Variants in DLGAP2 observed in about 807,000 individuals in gnomAD.
DLGAP2 encodes DLG associated protein 2, also known as disks large-associated protein 2.
In DLGAP2, 26 loss-of-function variants were observed where a neutral mutation model predicts 100.3. The ratio of observed to expected loss-of-function variants is 0.26; its 90% CI spans 0.19 to 0.36. DLGAP2 has a LOEUF of 0.36. DLGAP2 is among the 10% of genes least tolerant of loss of function. The pLI is 1.00. For synonymous variants in DLGAP2, 886 were observed against 630.1 expected (o/e 1.41, Z -6.08); for missense variants, 1,858 against 1,453.2 (o/e 1.28, Z -4.53).
At chr8:1,644,359 G>A (rs1585027605) in intron 8 of DLGAP2, among the ~76,000 whole-genome samples, 1 of 152,284 alleles carries the variant, frequency 6.6e-6, no homozygotes, top group Non-Finnish European at 1.5e-5. Context: ...CAGTGACCCG[G>A]CCCCACCAGA....
chr8:1,306,074 C>CAAAAAAAAAAAAAAAAAAAAAAAA (rs61647224), intron 3 of DLGAP2, among the ~76,000 whole-genome samples: 2 of 116,446 alleles, frequency 1.7e-5, no homozygotes, highest in Non-Finnish European at 3.6e-5. Context: ...AGAAATTAGG[C>CAAAAAAAAAAAAAAAAAAAAAAAA]AAAAAAAAAA....
intron 13 of DLGAP2, among the ~76,000 whole-genome samples, chr8:1,693,401 C>T (rs1444647980): frequency 6.6e-6 from 1 of 151,316 alleles, no homozygotes; most frequent in Non-Finnish European, 1.5e-5. Context: ...TATACTTTTC[C>T]TTGGCTGACT....
intron 3 of DLGAP2, among the ~76,000 whole-genome samples, chr8:1,354,332 C>G (rs937050347): frequency 6.6e-6 from 1 of 152,054 alleles, no homozygotes; most frequent in African/African-American, 2.4e-5. Flanking sequence ...ATGGCAAAAC[C>G]CCATCTCTTC....
chr8:1,643,281 T>C (rs374387148), intron 8 of DLGAP2, among the ~76,000 whole-genome samples: 18 of 8,262 alleles, frequency 2.2e-3, no homozygotes, highest in Admixed American at 0.014. Flanking sequence ...ACCCCGCCGG[T>C]CCTCACCTGT....
chr8:1,318,788 C>G (rs1168775151), intron 3 of DLGAP2, among the ~76,000 whole-genome samples: 2 of 131,068 alleles, frequency 1.5e-5, no homozygotes, highest in Non-Finnish European at 3.3e-5. Context: ...GCCCCCCCCC[C>G]GCCCCCTCGC....
chr8:1,464,700 C>T (rs1798573053), intron 3 of DLGAP2, among the ~76,000 whole-genome samples: 1 of 152,196 alleles, frequency 6.6e-6, no homozygotes, highest in African/African-American at 2.4e-5. Context: ...ACGTCCCTCA[C>T]CTTTCATTCT....
intron 2 of DLGAP2, among the ~76,000 whole-genome samples, chr8:932,697 A>G (rs919429454): frequency 6.6e-6 from 1 of 152,224 alleles, no homozygotes; most frequent in Admixed American, 6.5e-5. Flanking sequence ...TGAAAGACAG[A>G]GAAAGAATCG....
chr8:1,378,810 A>G (rs2129751890), intron 3 of DLGAP2, among the ~76,000 whole-genome samples: 1 of 152,132 alleles, frequency 6.6e-6, no homozygotes, highest in East Asian at 1.9e-4. Flanking sequence ...ATTTCCCCAG[A>G]TTCTTTCAAA....
chr8:1,455,138 T>G (rs1036978223), intron 3 of DLGAP2, among the ~76,000 whole-genome samples: 2 of 152,240 alleles, frequency 1.3e-5, no homozygotes, highest in Non-Finnish European at 2.9e-5. Flanking sequence ...GGCAACCCTG[T>G]GAGCGGCTGG....
chr8:1,122,179 G>A (rs1002609279), intron 2 of DLGAP2, among the ~76,000 whole-genome samples: 4 of 152,144 alleles, frequency 2.6e-5, no homozygotes, highest in Admixed American at 2.0e-4. Context: ...GGGATCATTC[G>A]GTTCCACAGC....
intron 3 of DLGAP2, among the ~76,000 whole-genome samples, chr8:1,456,031 C>T (rs868404257): frequency 1.3e-5 from 2 of 152,300 alleles, no homozygotes; most frequent in South Asian, 2.1e-4. Flanking sequence ...GATGGCCGCT[C>T]GCTGATTGGA....
At chr8:776,451 A>C (rs1442424390) in intron 1 of DLGAP2, among the ~76,000 whole-genome samples, 3 of 151,898 alleles carry the variant, frequency 2.0e-5, no homozygotes, top group African/African-American at 7.3e-5. Flanking sequence ...TTAGGGTGTC[A>C]ATTTTGGATC....
rs1489266384 is a variant in DLGAP2, at chr8:1,187,973, A to C, written c.74-70878A>C. 3.8e-3 allele frequency among the ~76,000 whole-genome samples: 220 copies of C among 58,010 alleles called. 1 individual carries two copies. The highest frequency in any genetic ancestry group is 0.013 in the Middle Eastern group (1 of 78). 38.1% of individuals were successfully genotyped at this position (58,010 alleles called of 152,430 possible). On this transcript the variant is annotated intron_variant, in intron 2 of 14. Transcript: ENST00000637795. ...GTGACGTTTCCCTCACGGAATCTCA[A>C]ACGCCTGGGACCTCTGTGACGTTTG...
At chr8:1,023,250 C>A (rs1476831718) in intron 2 of DLGAP2, among the ~76,000 whole-genome samples, 1 of 152,200 alleles carries the variant, frequency 6.6e-6, no homozygotes, top group African/African-American at 2.4e-5. Context: ...TGAGATATAG[C>A]AGTTCAGAAG....
At position 928,780 on chromosome 8, in the gene DLGAP2, C is replaced by T. The variant is rs1018100675; in HGVS notation, c.73+20814C>T. ...AGAACCAGAAGATTCACAGAGCCTTCGAGTTAGAAGGGACTCGAGGATTTT... is the reference window on the plus strand; with the variant it reads ...AGAACCAGAAGATTCACAGAGCCTTTGAGTTAGAAGGGACTCGAGGATTTT... On this transcript the variant is annotated intron_variant, in intron 2 of 14. Transcript: ENST00000637795. Among the ~76,000 whole-genome samples the T allele has an allele frequency of 4.6e-5, 7 of 152,056 alleles. No individual in the cohort carries two copies. In the South Asian group the frequency reaches 6.2e-4, roughly 14 times the overall value.
intron 3 of DLGAP2, among the ~76,000 whole-genome samples, chr8:1,270,694 G>T (rs13249062): frequency 0.013 from 1,098 of 85,926 alleles, 11 homozygotes; most frequent in Non-Finnish European, 0.015. Context: ...TTATGTCTCT[G>T]TGTGTGTCTC....
intron 6 of DLGAP2, among the ~76,000 whole-genome samples, chr8:1,581,856 C>T (rs182374612): frequency 6.6e-6 from 1 of 151,320 alleles, no homozygotes; most frequent in African/African-American, 2.4e-5. Context: ...AGACAAACCC[C>T]CACACATATA....
intron 3 of DLGAP2, among the ~76,000 whole-genome samples, chr8:1,278,316 A>T (rs925267543): frequency 2.0e-5 from 3 of 152,230 alleles, no homozygotes; most frequent in Non-Finnish European, 4.4e-5. Flanking sequence ...ATTAGACAGC[A>T]TGGTCCTTGA....
intron 1 of DLGAP2, among the ~76,000 whole-genome samples, chr8:860,749 C>G (rs1797373255): frequency 6.6e-6 from 1 of 152,206 alleles, no homozygotes; most frequent in Non-Finnish European, 1.5e-5. Context: ...GGCAGGCATG[C>G]TTCTTGGTGA....
Sources: gnomAD v4.1 joint callset for allele counts (sites outside exome capture counted in the v4.1 genomes callset) on GRCh38, gnomAD v4.1.1 for gene constraint, MANE v1.5 for transcripts, NCBI Gene and HGNC (gene_info 2026-07-23, HGNC 2026-07-21) for gene names.